DLC1: variants seen among roughly 807,000 people sequenced by gnomAD.
The protein encoded by DLC1 is DLC1 Rho GTPase activating protein.
Under a neutral mutation model 140.3 loss-of-function variants are expected in DLC1, and 54 were observed. The observed-to-expected ratio is 0.38, with a 90% CI of 0.31 to 0.48. The LOEUF (loss-of-function observed/expected upper bound fraction) is 0.48. Among genes scored for constraint, DLC1 ranks in the 20% least tolerant of loss-of-function variants. The pLI is 0.96. For missense variants in DLC1, 2,536 were observed against 1,907.0 expected (o/e 1.33, Z -6.14); for synonymous variants, 986 against 728.1 (o/e 1.35, Z -5.70).
rs528980874 is a variant in DLC1, at chr8:13,356,801, A to C, written c.1314+36752T>G. Among the ~76,000 whole-genome samples, 4 of 151,648 alleles carry C rather than the reference A, an allele frequency of 2.6e-5. No individual in the cohort carries two copies. The South Asian group carries it at 8.4e-4, about 32-fold the overall frequency. The stretch of plus-strand genomic sequence containing the variant: ...TTGGGGTCTCCGTACTTCCTGATCA[A>C]TGCTGTTTCTATTCCTGGACCACAC... On this transcript the variant is annotated intron_variant, in intron 4 of 17. Coordinates refer to ENST00000276297, the MANE Select transcript of DLC1 (RefSeq NM_182643.3).
At chr8:13,567,295 C>A in intron 1 of DLC1, 1 of 1,551,704 alleles carries the variant, frequency 6.4e-7, no homozygotes, top group Non-Finnish European at 8.7e-7. Context: ...TGAACGGCAC[C>A]AACCAGACAC....
Position 13,120,356 on chromosome 8 carries a change from A to AAAAAAAAAAAAATAT in DLC1, c.1349-4700_1349-4699insATATTTTTTTTTTTT. ...AGACTCCGTCGCAAAAAAAAAAAAA[A>AAAAAAAAAAAAATAT]ATATATATATATATAAAATGTATAT... is the stretch of plus-strand genomic sequence containing the variant. On this transcript the variant is annotated intron_variant, in intron 5 of 17. Coordinates refer to ENST00000276297, the MANE Select transcript of DLC1 (RefSeq NM_182643.3). 6.5e-3 allele frequency among the ~76,000 whole-genome samples: 399 copies of AAAAAAAAAAAAATAT among 61,022 alleles called. 14 individuals carry two copies. The highest frequency in any genetic ancestry group is 0.016 in the African/African-American group (388 of 23,966). 40.0% of individuals were successfully genotyped at this position (61,022 alleles called of 152,430 possible). A position where few individuals can be genotyped will look rare whatever the true frequency, so the allele number is the denominator to read the frequency against.
intron 2 of DLC1, among the ~76,000 whole-genome samples, chr8:13,437,297 T>G (rs1466637634): frequency 6.6e-6 from 1 of 152,230 alleles, no homozygotes; most frequent in Non-Finnish European, 1.5e-5. Flanking sequence ...TGCCTGATTT[T>G]CACTAGACAT....
At position 13,589,150 on chromosome 8, in the gene DLC1, A is replaced by G. The variant is rs1158214108; in HGVS notation, c.-126+15387T>C. Among the ~76,000 whole-genome samples the G allele has an allele frequency of 1.3e-5, 2 of 152,136 alleles. 1 individual carries two copies. Among genetic ancestry groups the G allele is most frequent in the East Asian group, 3.9e-4 (2 of 5,194 alleles). On this transcript the variant is annotated intron_variant, in intron 1 of 1. Coordinates refer to the DLC1 transcript ENST00000631382. ...CACGATCCATATTCTTCATTAGGCT[A>G]TCCTTCATCTGTCCAAACAACAGGC...
intron 5 of DLC1, among the ~76,000 whole-genome samples, chr8:13,216,125 T>G (rs1319868849): frequency 6.6e-6 from 1 of 152,140 alleles, no homozygotes; most frequent in African/African-American, 2.4e-5. Flanking sequence ...AGACCCAGTT[T>G]CCTCTCCTTG....
intron 7 of DLC1, among the ~76,000 whole-genome samples, chr8:13,104,639 T>C (rs914141207): frequency 4.6e-5 from 7 of 152,218 alleles, no homozygotes; most frequent in African/African-American, 1.7e-4. Flanking sequence ...CTGGGAACCG[T>C]GAGACCTCCT....
chr8:13,147,078 A>G (rs1457389025), intron 5 of DLC1, among the ~76,000 whole-genome samples: 5 of 152,196 alleles, frequency 3.3e-5, no homozygotes. Flanking sequence ...TGGTTTGTCT[A>G]ACTGTACCTA....
At chr8:13,532,831 AT>A (rs2117310514) in intron 1 of DLC1, among the ~76,000 whole-genome samples, 1 of 152,264 alleles carries the variant, frequency 6.6e-6, no homozygotes, top group Non-Finnish European at 1.5e-5. Context: ...GTAGACCCTC[AT>A]CCCCCCATCT....
At chr8:13,403,995 A>T (rs1486225935) in intron 2 of DLC1, among the ~76,000 whole-genome samples, 1 of 152,000 alleles carries the variant, frequency 6.6e-6, no homozygotes, top group Non-Finnish European at 1.5e-5. Flanking sequence ...CTTTCCATCC[A>T]GTAATGCCCC....
chr8:13,586,841 A>G (rs1234082931), intron 1 of DLC1, among the ~76,000 whole-genome samples: 3 of 152,250 alleles, frequency 2.0e-5, no homozygotes, highest in African/African-American at 4.8e-5. Flanking sequence ...AAGACTTGTT[A>G]TAGTGGCATT....
At chr8:13,160,860 A>C (rs553115340) in intron 5 of DLC1, among the ~76,000 whole-genome samples, 35 of 152,280 alleles carry the variant, frequency 2.3e-4, no homozygotes, top group Non-Finnish European at 4.0e-4. Flanking sequence ...CCAAGGCGGG[A>C]GGATCACGAG....
chr8:13,140,954 C>T (rs1272273365), intron 5 of DLC1, among the ~76,000 whole-genome samples: 2 of 152,054 alleles, frequency 1.3e-5, no homozygotes, highest in African/African-American at 4.8e-5. Context: ...AGAGTGAGGC[C>T]TCTATAAAAG....
At chr8:13,375,320 C>G (rs184421276) in intron 4 of DLC1, among the ~76,000 whole-genome samples, 241 of 152,280 alleles carry the variant, frequency 1.6e-3, no homozygotes, top group African/African-American at 5.3e-3. Context: ...AGCCACCGCG[C>G]CCGGCCAAGA....
At chr8:13,454,905 G>T (rs551223138) in intron 2 of DLC1, among the ~76,000 whole-genome samples, 1 of 151,980 alleles carries the variant, frequency 6.6e-6, no homozygotes, top group Non-Finnish European at 1.5e-5. Context: ...TTTGTTGTGG[G>T]GTATATAGGT....
intron 5 of DLC1, among the ~76,000 whole-genome samples, chr8:13,194,415 C>T (rs1010122220): frequency 3.3e-5 from 5 of 152,210 alleles, no homozygotes; most frequent in African/African-American, 1.2e-4. Flanking sequence ...ATGAAAATAA[C>T]AGCTTGCATT....
chr8:13,550,170 G>A (rs960477916), intron 1 of DLC1, among the ~76,000 whole-genome samples: 1 of 152,094 alleles, frequency 6.6e-6, no homozygotes, highest in South Asian at 2.1e-4. Flanking sequence ...GAGGGGAGGT[G>A]ATTGGATTAT....
At chr8:13,464,247 T>C (rs1010711886) in intron 2 of DLC1, among the ~76,000 whole-genome samples, 5 of 152,118 alleles carry the variant, frequency 3.3e-5, no homozygotes, top group African/African-American at 9.7e-5. Context: ...TCAGAGGTAA[T>C]TGAGATTTAC....
chr8:13,505,585 GT>G (rs1462801473), intron 1 of DLC1, among the ~76,000 whole-genome samples: 1 of 152,086 alleles, frequency 6.6e-6, no homozygotes, highest in Non-Finnish European at 1.5e-5. Flanking sequence ...AATATGTCTG[GT>G]GGGGCCAAAC....
At chr8:13,173,757 G>A (rs1324763069) in intron 5 of DLC1, among the ~76,000 whole-genome samples, 1 of 152,154 alleles carries the variant, frequency 6.6e-6, no homozygotes, top group African/African-American at 2.4e-5. Context: ...TACAGATTTC[G>A]AATGGTTTGA....
Sources: gnomAD v4.1 joint callset for allele counts (sites outside exome capture counted in the v4.1 genomes callset) on GRCh38, gnomAD v4.1.1 for gene constraint, MANE v1.5 for transcripts, NCBI Gene and HGNC (gene_info 2026-07-23, HGNC 2026-07-21) for gene names.